Variants in VPS26A observed in about 807,000 individuals in gnomAD.
VPS26A encodes the protein vacuolar protein sorting-associated protein 26A.
VPS26A carries 22 observed loss-of-function variants against 42.4 expected under a neutral mutation model. That is an observed-to-expected ratio of 0.52 (90% confidence interval 0.37 to 0.74). The LOEUF (loss-of-function observed/expected upper bound fraction) is 0.74, where lower values mean the gene tolerates loss of function less well. Among genes scored for constraint, VPS26A ranks in the 30% least tolerant of loss-of-function variants. The probability of loss-of-function intolerance (pLI) is 0.00; values close to 1 mark genes in which losing one functional copy is unlikely to be tolerated. For synonymous variants in VPS26A, 110 were observed against 123.5 expected (o/e 0.89, Z 0.73); for missense variants, 276 against 379.2 (o/e 0.73, Z 2.26).
intron 1 of VPS26A, among the ~76,000 whole-genome samples, chr10:69,129,691 T>C (rs1320801905): frequency 6.6e-6 from 1 of 152,042 alleles, no homozygotes; most frequent in African/African-American, 2.4e-5. Flanking sequence ...GCCCAGTTAA[T>C]TTTTTGTATG....
At chr10:69,129,357 G>A (rs946389872) in intron 1 of VPS26A, among the ~76,000 whole-genome samples, 1 of 152,060 alleles carries the variant, frequency 6.6e-6, no homozygotes, top group Non-Finnish European at 1.5e-5. Context: ...TTACCATTTT[G>A]AGTTTAAGAC....
intron 1 of VPS26A, among the ~76,000 whole-genome samples, chr10:69,130,149 G>A (rs1840746690): frequency 6.6e-6 from 1 of 152,106 alleles, no homozygotes; most frequent in Admixed American, 6.5e-5. Flanking sequence ...TTTATTTTCT[G>A]TTATTAAAAT....
At chr10:69,130,138 G>A (rs200981569) in intron 1 of VPS26A, among the ~76,000 whole-genome samples, 1 of 103,542 alleles carries the variant, frequency 9.7e-6, no homozygotes, top group Admixed American at 8.6e-5. Flanking sequence ...TTGTATATTT[G>A]TTTATTTTCT....
At chr10:69,169,160 C>T (rs562659588) in intron 8 of VPS26A, among the ~76,000 whole-genome samples, 1 of 151,774 alleles carries the variant, frequency 6.6e-6, no homozygotes, top group South Asian at 2.1e-4. Context: ...GAATTATAGG[C>T]ATGAGCCACC....
intron 1 of VPS26A, among the ~76,000 whole-genome samples, chr10:69,132,442 T>TC (rs1840803577): frequency 6.6e-6 from 1 of 151,022 alleles, no homozygotes; most frequent in Non-Finnish European, 1.5e-5. Context: ...TTTTTTTTTT[T>TC]TTCTTTCTTT....
At chr10:69,131,833 A>C (rs1479681857) in intron 1 of VPS26A, among the ~76,000 whole-genome samples, 1 of 152,238 alleles carries the variant, frequency 6.6e-6, no homozygotes, top group Non-Finnish European at 1.5e-5. Flanking sequence ...AAAGATTAGA[A>C]GACTAAATTT....
chr10:69,158,043 G>C lies in VPS26A; in HGVS notation c.387-4G>C. The C allele has an allele frequency of 6.3e-7, 1 of 1,591,894 alleles. No individual in the cohort carries two copies. The highest frequency in any genetic ancestry group is 8.5e-7 in the Non-Finnish European group (1 of 1,172,794). ...AACTCATCGACTCTCTTTTAACTTTGTAGGTATTTTCTTAAAGTGACAATA... is the reference window on the plus strand; with the variant it reads ...AACTCATCGACTCTCTTTTAACTTTCTAGGTATTTTCTTAAAGTGACAATA... On this transcript the variant is annotated splice_polypyrimidine_tract_variant and splice_region_variant and intron_variant, in intron 4 of 8. Coordinates refer to ENST00000263559, the MANE Select transcript of VPS26A (RefSeq NM_004896.5).
Position 69,167,267 on chromosome 10 carries a change from T to C in VPS26A, c.727+1157T>C, listed in dbSNP as rs559557874. 2.0e-5 allele frequency among the ~76,000 whole-genome samples: 3 copies of C among 150,190 alleles called. No homozygotes were observed. The South Asian group carries it at 6.3e-4, about 32-fold the overall frequency. ...CAACATGGCAAAACCCCCATTTCTATAAAAAATACAAAAATTAGCCAGGCA... is the reference window on the plus strand; with the variant it reads ...CAACATGGCAAAACCCCCATTTCTACAAAAAATACAAAAATTAGCCAGGCA... On this transcript the variant is annotated intron_variant, in intron 7 of 8. Transcript: ENST00000263559.
intron 6 of VPS26A, among the ~76,000 whole-genome samples, chr10:69,163,822 G>C (rs1355558840): frequency 4.1e-5 from 6 of 147,086 alleles, no homozygotes; most frequent in African/African-American, 1.5e-4. Flanking sequence ...CGGGAGTGCA[G>C]TGGCGCAATC....
chr10:69,157,951 G>T, intron 4 of VPS26A, 96 bp from the exon 5 acceptor site: 1 of 1,122,210 alleles, frequency 8.9e-7, no homozygotes, highest in Non-Finnish European at 1.2e-6. Flanking sequence ...TTCCAGCAAG[G>T]AGGAGAAGCC....
intron 2 of VPS26A, among the ~76,000 whole-genome samples, chr10:69,154,133 G>T (rs955687502): frequency 3.3e-5 from 5 of 152,182 alleles, no homozygotes; most frequent in African/African-American, 1.2e-4. Context: ...ACTGTCTCAG[G>T]TAATACTTAG....
At chr10:69,146,336 C>T (rs771770068) in intron 2 of VPS26A, among the ~76,000 whole-genome samples, 9 of 152,140 alleles carry the variant, frequency 5.9e-5, no homozygotes, top group Admixed American at 5.2e-4. Context: ...CTGCCCACCT[C>T]GGTTTCCCAA....
chr10:69,155,873 T>A lies in VPS26A; in HGVS notation c.215T>A (p.Phe72Tyr). 1 of 1,611,500 alleles carries A rather than the reference T, an allele frequency of 6.2e-7. No individual in the cohort carries two copies. Among genetic ancestry groups the A allele is most frequent in the Non-Finnish European group, 8.5e-7 (1 of 1,178,570 alleles). ...GAACACCAAGGAATTAGAATTGAATTTGTAGGTCAAATTGGTGAGTTTTAA... is the reference window on the plus strand; with the variant it reads ...GAACACCAAGGAATTAGAATTGAATATGTAGGTCAAATTGGTGAGTTTTAA... ...RLEHQGIRIE[F>Y]VGQIELFNDK... Residue 72 changes from phenylalanine (F) to tyrosine (Y), a missense_variant, in exon 3 of 9, where the codon TTT (phenylalanine) becomes TAT (tyrosine). Coordinates refer to ENST00000263559, the MANE Select transcript of VPS26A (RefSeq NM_004896.5).
chr10:69,142,960 G>A (rs11813816), intron 2 of VPS26A, among the ~76,000 whole-genome samples: 23,929 of 152,138 alleles, frequency 0.16, 2,528 homozygotes, highest in Non-Finnish European at 0.22. Flanking sequence ...GAAAATGAGA[G>A]AGGTTCTAGA....
intron 5 of VPS26A, 93 bp from the exon 6 acceptor site, chr10:69,162,313 C>A: frequency 1.6e-6 from 1 of 632,884 alleles, no homozygotes; most frequent in Non-Finnish European, 2.6e-6. Flanking sequence ...AGTAATTATA[C>A]TAAAGATGTC....
chr10:69,137,095 C>T (rs767738079), intron 2 of VPS26A, among the ~76,000 whole-genome samples: 2 of 152,070 alleles, frequency 1.3e-5, no homozygotes, highest in Non-Finnish European at 2.9e-5. Context: ...TGGCCTTTGG[C>T]GTGTTTTAAA....
chr10:69,152,710 C>A (rs1036681580), intron 2 of VPS26A, among the ~76,000 whole-genome samples: 1 of 152,172 alleles, frequency 6.6e-6, no homozygotes, highest in Non-Finnish European at 1.5e-5. Flanking sequence ...TGGCTCATGC[C>A]TGTAATCCCA....
At chr10:69,159,077 G>A (rs933695624) in intron 5 of VPS26A, among the ~76,000 whole-genome samples, 13 of 152,026 alleles carry the variant, frequency 8.6e-5, no homozygotes, top group African/African-American at 3.1e-4. Flanking sequence ...TGCTAAAGAA[G>A]GGTTAAAAAG....
intron 5 of VPS26A, 57 bp downstream of exon 5, chr10:69,158,268 G>T (rs879063458): frequency 1.5e-6 from 2 of 1,374,342 alleles, no homozygotes; most frequent in South Asian, 1.5e-5. Flanking sequence ...AACTTTTCAG[G>T]TGTTTGTCAG....
Sources: allele counts gnomAD v4.1 joint callset (sites outside exome capture counted in the v4.1 genomes callset), GRCh38; gene constraint gnomAD v4.1.1; transcripts MANE v1.5; gene names NCBI Gene and HGNC (gene_info 2026-07-23, HGNC 2026-07-21).